Variants in AVEN observed in about 807,000 individuals in gnomAD.
AVEN encodes cell death regulator Aven.
Under a neutral mutation model 38.1 loss-of-function variants are expected in AVEN, and 41 were observed. That is an observed-to-expected ratio of 1.08 (90% CI 0.84 to 1.40). The LOEUF (loss-of-function observed/expected upper bound fraction) is 1.40, where lower values mean the gene tolerates loss of function less well. AVEN is among the 40% of genes most tolerant of loss of function. AVEN has a pLI of 0.00. For missense variants in AVEN, 605 were observed against 438.8 expected (o/e 1.38, Z -3.38); for synonymous variants, 206 against 171.8 (o/e 1.20, Z -1.56).
downstream of AVEN, among the ~76,000 whole-genome samples, chr15:33,857,558 A>G (rs1351318536): frequency 6.6e-6 from 1 of 151,692 alleles, no homozygotes; most frequent in East Asian, 1.9e-4. Flanking sequence ...ACACCCCATC[A>G]TTACTCTTTT....
chr15:33,922,926 T>G (rs1485361783), intron 2 of AVEN, among the ~76,000 whole-genome samples: 2 of 152,242 alleles, frequency 1.3e-5, no homozygotes, highest in African/African-American at 4.8e-5. Flanking sequence ...CAGGAATGAA[T>G]GAATGAAAAT....
chr15:33,923,299 T>C (rs1055649281), intron 2 of AVEN, among the ~76,000 whole-genome samples: 1 of 152,236 alleles, frequency 6.6e-6, no homozygotes. Flanking sequence ...TTGAAACATA[T>C]GTTTAACTCC....
intron 2 of AVEN, among the ~76,000 whole-genome samples, chr15:33,947,205 C>T (rs1261736799): frequency 6.6e-6 from 1 of 152,166 alleles, no homozygotes; most frequent in African/African-American, 2.4e-5. Flanking sequence ...CTCTGGGACA[C>T]CACGGACAGA....
downstream of AVEN, chr15:33,864,955 G>A (rs1889966895): frequency 1.8e-6 from 1 of 552,298 alleles, no homozygotes; most frequent in Non-Finnish European, 3.2e-6. Context: ...GAGAGACATG[G>A]CTTCTTGCTT....
intron 4 of AVEN, among the ~76,000 whole-genome samples, chr15:33,868,585 T>C (rs1180024857): frequency 2.7e-5 from 4 of 147,610 alleles, no homozygotes; most frequent in African/African-American, 9.9e-5. Flanking sequence ...AGGAAGTAAT[T>C]AGCAAATCAG....
intron 2 of AVEN, among the ~76,000 whole-genome samples, chr15:33,984,148 C>T (rs1404402619): frequency 1.3e-5 from 2 of 151,758 alleles, no homozygotes; most frequent in African/African-American, 4.8e-5. Context: ...TGTGGTATAC[C>T]AATGTTAATT....
At chr15:34,057,860 TG>T (rs746545188) in intron 5 of AVEN, among the ~76,000 whole-genome samples, 27 of 152,242 alleles carry the variant, frequency 1.8e-4, no homozygotes, top group Admixed American at 3.3e-4. Context: ...AGCTGACCAA[TG>T]CCAAATTGTG....
Position 33,866,467 on chromosome 15 carries a change from A to C in AVEN, c.*146T>G, listed in dbSNP as rs1432091693. 1 of 612,406 alleles carries C rather than the reference A, an allele frequency of 1.6e-6. No individual in the cohort carries two copies. Among genetic ancestry groups the C allele is most frequent in the Non-Finnish European group, 2.9e-6 (1 of 343,500 alleles). The allele number at this position is 612,406 out of a possible 1,614,324, so 37.9% of individuals were successfully genotyped here. On this transcript the variant is annotated 3_prime_UTR_variant, in exon 6 of 6. Transcript: ENST00000306730. Reference sequence around the variant, plus strand: ...ATGTATTCTTTCAGATGTCAAACACAGAGGTAGGCATTTACTGCTGTGAGC... The same window carrying C: ...ATGTATTCTTTCAGATGTCAAACACCGAGGTAGGCATTTACTGCTGTGAGC...
intron 2 of AVEN, among the ~76,000 whole-genome samples, chr15:33,903,767 T>C (rs541663576): frequency 7.9e-5 from 12 of 152,270 alleles, no homozygotes; most frequent in African/African-American, 2.6e-4. Flanking sequence ...TATATGTGTA[T>C]ATACAGTCAT....
intron 2 of AVEN, among the ~76,000 whole-genome samples, chr15:33,918,220 T>C (rs949403016): frequency 6.6e-6 from 1 of 152,160 alleles, no homozygotes; most frequent in East Asian, 1.9e-4. Flanking sequence ...GCAAGTGCTA[T>C]TGGCAGGACT....
chr15:34,019,857 C>T (rs1354888297), intron 1 of AVEN, among the ~76,000 whole-genome samples: 1 of 152,158 alleles, frequency 6.6e-6, no homozygotes, highest in Admixed American at 6.5e-5. Context: ...GTTTCTCAGA[C>T]TATATCCCCA....
intron 2 of AVEN, among the ~76,000 whole-genome samples, chr15:33,879,621 T>A (rs943938398): frequency 1.3e-5 from 2 of 152,096 alleles, no homozygotes; most frequent in Non-Finnish European, 2.9e-5. Flanking sequence ...TCCAACAACC[T>A]TGAATTCTTT....
At chr15:33,976,551 C>T (rs1289187427) in intron 2 of AVEN, among the ~76,000 whole-genome samples, 3 of 152,124 alleles carry the variant, frequency 2.0e-5, no homozygotes, top group Non-Finnish European at 4.4e-5. Context: ...CTCCAGTAGA[C>T]AACACACTTT....
chr15:33,881,916 C>T (rs7165072), intron 2 of AVEN, among the ~76,000 whole-genome samples: 10,840 of 152,230 alleles, frequency 0.071, 527 homozygotes, highest in South Asian at 0.14. Flanking sequence ...TGACAGCCAA[C>T]TGTAGTTGAC....
chr15:34,045,399 T>C lies in AVEN; in HGVS notation n.1637+17523A>G, dbSNP rs543881852. On this transcript the variant is annotated intron_variant and non_coding_transcript_variant, in intron 5 of 11. Coordinates refer to the AVEN transcript ENST00000675287. ...AAAAGGAGTTAGATATATCTTACTT[T>C]AAAATATTCACCAAAAAAATGCAAG... Among the ~76,000 whole-genome samples the C allele has an allele frequency of 1.3e-4, 20 of 152,352 alleles. No homozygotes were observed. The South Asian group carries it at 3.9e-3, about 30-fold the overall frequency.
intron 1 of AVEN, chr15:34,006,999 A>G: frequency 1.1e-6 from 1 of 899,640 alleles, no homozygotes; most frequent in Non-Finnish European, 1.3e-6. Flanking sequence ...TTTCATATAA[A>G]TATTGTTACA....
At chr15:33,969,953 G>C (rs971974560) in intron 2 of AVEN, among the ~76,000 whole-genome samples, 2 of 151,976 alleles carry the variant, frequency 1.3e-5, no homozygotes, top group African/African-American at 4.8e-5. Context: ...ACAATCTTAT[G>C]TAAAAACAAC....
At chr15:34,071,091 G>T (rs142742302) in intron 1 of AVEN, among the ~76,000 whole-genome samples, 280 of 152,220 alleles carry the variant, frequency 1.8e-3, no homozygotes, top group African/African-American at 6.3e-3. Flanking sequence ...ATGCCTTCAT[G>T]CTCCTGCTAA....
chr15:34,057,446 T>C (rs560115137), intron 5 of AVEN, among the ~76,000 whole-genome samples: 1 of 152,246 alleles, frequency 6.6e-6, no homozygotes, highest in African/African-American at 2.4e-5. Flanking sequence ...CCAGCCAGAA[T>C]AGTCATTTTG....
Sources: allele counts gnomAD v4.1 joint callset (sites outside exome capture counted in the v4.1 genomes callset), GRCh38; gene constraint gnomAD v4.1.1; transcripts MANE v1.5; gene names NCBI Gene and HGNC (gene_info 2026-07-23, HGNC 2026-07-21).